APLP2: variants seen among roughly 807,000 people sequenced by gnomAD.
The protein encoded by APLP2 is CDEI box-binding protein.
In APLP2, 53 loss-of-function variants were observed where a neutral mutation model predicts 89.9. That is an observed-to-expected ratio of 0.59 (90% CI 0.47 to 0.74). APLP2 has a LOEUF of 0.74. APLP2 is among the 30% of genes least tolerant of loss of function. APLP2 has a pLI of 0.00. For synonymous variants in APLP2, 372 were observed against 348.6 expected, an observed-to-expected ratio of 1.07 and a Z score of -0.75; for missense variants, 973 against 975.9, an observed-to-expected ratio of 1.00 and a Z score of 0.04.
chr11:130,128,377 C>T (rs1424485125), intron 9 of APLP2, among the ~76,000 whole-genome samples: 1 of 152,176 alleles, frequency 6.6e-6, no homozygotes, highest in Non-Finnish European at 1.5e-5. Flanking sequence ...TTATGTTTAG[C>T]TGAAATGCCT....
intron 1 of APLP2, among the ~76,000 whole-genome samples, chr11:130,075,273 C>T (rs1565545505): frequency 6.6e-6 from 1 of 152,200 alleles, no homozygotes; most frequent in Non-Finnish European, 1.5e-5. Flanking sequence ...CCTCAGCCTC[C>T]CGAGTATCTA....
intron 1 of APLP2, among the ~76,000 whole-genome samples, chr11:130,092,494 C>T (rs1394136369): frequency 4.3e-5 from 6 of 139,640 alleles, no homozygotes; most frequent in Non-Finnish European, 9.2e-5. Flanking sequence ...CCGAGGTTGG[C>T]GGATCACTCG....
At chr11:130,079,874 T>G (rs1294291998) in intron 1 of APLP2, among the ~76,000 whole-genome samples, 1 of 152,202 alleles carries the variant, frequency 6.6e-6, no homozygotes, top group Non-Finnish European at 1.5e-5. Flanking sequence ...ACCAGACCCT[T>G]TATCGGATAA....
intron 1 of APLP2, among the ~76,000 whole-genome samples, chr11:130,087,600 C>T (rs986521717): frequency 3.3e-5 from 5 of 152,140 alleles, no homozygotes. Flanking sequence ...GAAAAGAGAA[C>T]ATTGGTTTGA....
At chr11:130,116,621 C>T (rs879314579) in intron 3 of APLP2, among the ~76,000 whole-genome samples, 7 of 152,004 alleles carry the variant, frequency 4.6e-5, no homozygotes, top group Admixed American at 3.9e-4. Context: ...CAGGCATTCG[C>T]CACCACGCCT....
intron 1 of APLP2, among the ~76,000 whole-genome samples, chr11:130,078,165 CTTT>C (rs780312601): frequency 7.4e-5 from 10 of 135,264 alleles, no homozygotes; most frequent in Admixed American, 7.4e-5. Context: ...GTTTTTCTTT[CTTT>C]TTTTTTTTTT....
chr11:130,126,947 G>A (rs1179287438), intron 8 of APLP2, 117 bp downstream of exon 8: 6 of 1,432,374 alleles, frequency 4.2e-6, no homozygotes, highest in Non-Finnish European at 9.6e-7. Context: ...ATAAGGACTG[G>A]TGAGTCAGGA....
chr11:130,083,644 G>A (rs1943613913), intron 1 of APLP2, among the ~76,000 whole-genome samples: 1 of 152,018 alleles, frequency 6.6e-6, no homozygotes, highest in Non-Finnish European at 1.5e-5. Flanking sequence ...CCATGTTGTT[G>A]AATGTGGCAG....
At chr11:130,091,743 GACGGC>G (rs1945282675) in intron 1 of APLP2, among the ~76,000 whole-genome samples, 1 of 147,252 alleles carries the variant, frequency 6.8e-6, no homozygotes, top group Admixed American at 6.6e-5. Context: ...CTCCCTCCCG[GACGGC>G]ACGGCTGGCC....
chr11:130,097,966 C>A (rs1456927758), intron 1 of APLP2, among the ~76,000 whole-genome samples: 2 of 152,124 alleles, frequency 1.3e-5, no homozygotes, highest in Non-Finnish European at 2.9e-5. Context: ...GATGTGTGCA[C>A]AACACATGCA....
intron 3 of APLP2, among the ~76,000 whole-genome samples, chr11:130,116,007 A>G (rs544061156): frequency 3.3e-5 from 5 of 152,214 alleles, no homozygotes; most frequent in Non-Finnish European, 7.3e-5. Context: ...TTGGATACAC[A>G]TGGAAATGTA....
intron 14 of APLP2, chr11:130,140,704 A>G (rs1591856445): frequency 1.1e-5 from 4 of 364,476 alleles, no homozygotes; most frequent in East Asian, 4.7e-5. Flanking sequence ...ATCTCTTGCT[A>G]TAGAGTAGGA....
At chr11:130,125,167 G>A (rs1175542853) in intron 7 of APLP2, among the ~76,000 whole-genome samples, 1 of 152,234 alleles carries the variant, frequency 6.6e-6, no homozygotes, top group African/African-American at 2.4e-5. Flanking sequence ...GGCTGAGGCT[G>A]GCGGATGTGC....
chr11:130,102,905 C>T (rs779485690), intron 1 of APLP2, among the ~76,000 whole-genome samples: 19 of 152,264 alleles, frequency 1.2e-4, no homozygotes, highest in Non-Finnish European at 2.1e-4. Context: ...AAGTGCTGGG[C>T]TAGGGAAGCA....
At chr11:130,122,559 T>C (rs1485564895) in intron 6 of APLP2, 46 bp downstream of exon 6, 1 of 1,611,520 alleles carries the variant, frequency 6.2e-7, no homozygotes, top group Non-Finnish European at 8.5e-7. Flanking sequence ...GTGGTAATTA[T>C]TCACTTAGAC....
intron 1 of APLP2, among the ~76,000 whole-genome samples, chr11:130,075,058 A>G (rs1941865550): frequency 6.6e-6 from 1 of 152,238 alleles, no homozygotes; most frequent in Non-Finnish European, 1.5e-5. Flanking sequence ...GGCACATTCA[A>G]GCAGAAATGA....
chr11:130,107,189 T>C (rs2135758129), intron 1 of APLP2, among the ~76,000 whole-genome samples: 1 of 152,378 alleles, frequency 6.6e-6, no homozygotes, highest in Middle Eastern at 3.4e-3. Flanking sequence ...AATTTTCTTT[T>C]GTGGGTAAAT....
chr11:130,071,458 C>G (rs913414022), intron 1 of APLP2, among the ~76,000 whole-genome samples: 1 of 151,848 alleles, frequency 6.6e-6, no homozygotes, highest in Non-Finnish European at 1.5e-5. Context: ...AGAGTTGTAT[C>G]TGTGATCCCT....
chr11:130,096,766 A>G (rs1299322585), intron 1 of APLP2, among the ~76,000 whole-genome samples: 5 of 152,188 alleles, frequency 3.3e-5, no homozygotes, highest in African/African-American at 1.2e-4. Flanking sequence ...ATGCAGGTTC[A>G]TGTGTGCTTA....
Sources: allele counts gnomAD v4.1 joint callset (sites outside exome capture counted in the v4.1 genomes callset), GRCh38; gene constraint gnomAD v4.1.1; transcripts MANE v1.5; gene names NCBI Gene and HGNC (gene_info 2026-07-23, HGNC 2026-07-21).